Variants in SHANK2 observed in about 807,000 individuals in gnomAD.
The protein encoded by SHANK2 is SH3 and multiple ankyrin repeat domains 2, also known as SH3 and multiple ankyrin repeat domains protein 2.
Under a neutral mutation model 133.7 loss-of-function variants are expected in SHANK2, and 43 were observed. That is an observed-to-expected ratio of 0.32 (90% CI 0.25 to 0.41). The LOEUF (loss-of-function observed/expected upper bound fraction) is 0.41, where lower values mean the gene tolerates loss of function less well. SHANK2 is among the 10% of genes least tolerant of loss of function. The probability of loss-of-function intolerance (pLI) is 1.00; values close to 1 mark genes in which losing one functional copy is unlikely to be tolerated. For missense variants in SHANK2, 1,994 were observed against 2,235.8 expected, an observed-to-expected ratio of 0.89 and a Z score of 2.18; for synonymous variants, 1,017 against 952.8, an observed-to-expected ratio of 1.07 and a Z score of -1.24.
rs890697707 is a variant in SHANK2, at chr11:70,495,125, G to A, written c.2309-2660C>T. ...CCAGAGCCGTGCTGTCCTCACCTGC[G>A]TTCAAGGCCCTCATCCCAGCTCCTC... On this transcript the variant is annotated intron_variant, in intron 21 of 25. Transcript: ENST00000601538. 7.9e-5 allele frequency among the ~76,000 whole-genome samples: 12 copies of A among 152,286 alleles called. No individual in the cohort carries two copies. In the East Asian group the frequency reaches 9.7e-4, roughly 12 times the overall value.
At chr11:70,734,375 C>A (rs959729508) in intron 14 of SHANK2, among the ~76,000 whole-genome samples, 7 of 152,162 alleles carry the variant, frequency 4.6e-5, no homozygotes, top group African/African-American at 1.7e-4. Context: ...AAAGGTGAGG[C>A]GCATTTCATG....
intron 2 of SHANK2, among the ~76,000 whole-genome samples, chr11:71,189,873 C>T (rs1953755532): frequency 6.6e-6 from 1 of 152,248 alleles, no homozygotes; most frequent in Admixed American, 6.5e-5. Context: ...AGCTCTTCTG[C>T]CAGCCTGGCT....
Position 70,473,879 on chromosome 11 carries a change from T to G in SHANK2, c.4980-440A>C, listed in dbSNP as rs554750043. The G allele has an allele frequency of 9.9e-5, 28 of 281,486 alleles. 1 individual carries two copies. Among genetic ancestry groups the G allele is most frequent in the Admixed American group, 9.7e-4 (24 of 24,704 alleles). 17.4% of individuals were successfully genotyped at this position (281,486 alleles called of 1,614,324 possible). A position where few individuals can be genotyped will look rare whatever the true frequency, so the allele number is the denominator to read the frequency against. On this transcript the variant is annotated intron_variant, in intron 25 of 25. Coordinates refer to ENST00000601538, the MANE Select transcript of SHANK2 (RefSeq NM_012309.5). The surrounding 1 kb of genome is among the most constrained non-coding windows in gnomAD (Gnocchi z 5.9). ...AGGGACAGAGTGGGGTCCTGTCACC[T>G]GGGTAGAACGTGCCAGGCAACATCT...
intron 2 of SHANK2, among the ~76,000 whole-genome samples, chr11:71,150,855 G>T (rs1555107928): frequency 6.6e-6 from 1 of 152,048 alleles, no homozygotes; most frequent in Non-Finnish European, 1.5e-5. Flanking sequence ...AAGAAAAGGG[G>T]GCACCTGTTT....
At chr11:70,483,724 A>G (rs1411241676) in intron 25 of SHANK2, among the ~76,000 whole-genome samples, 4 of 152,072 alleles carry the variant, frequency 2.6e-5, no homozygotes, top group African/African-American at 7.2e-5. Flanking sequence ...CCCTTTCTCA[A>G]AATTCCTGGA....
intron 15 of SHANK2, among the ~76,000 whole-genome samples, chr11:70,670,263 G>T (rs1555015738): frequency 6.6e-6 from 1 of 152,222 alleles, no homozygotes; most frequent in East Asian, 1.9e-4. Flanking sequence ...GCAGGAACTG[G>T]AGCACTATAT....
chr11:70,683,405 CT>C (rs1945071397), intron 15 of SHANK2, among the ~76,000 whole-genome samples: 1 of 152,236 alleles, frequency 6.6e-6, no homozygotes, highest in Admixed American at 6.5e-5. Context: ...GCTTTTAACA[CT>C]TTCCTTCCAC....
intron 10 of SHANK2, chr11:70,910,998 CCT>C (rs1555078896): frequency 1.8e-5 from 8 of 457,102 alleles, no homozygotes; most frequent in South Asian, 1.1e-4. Flanking sequence ...TCTCTAAACA[CCT>C]CAGCATTTGC....
intron 6 of SHANK2, among the ~76,000 whole-genome samples, chr11:71,109,130 G>C (rs1485044309): frequency 6.6e-6 from 1 of 152,154 alleles, no homozygotes; most frequent in South Asian, 2.1e-4. Flanking sequence ...GGGAGTCCAG[G>C]AGGAGTATTC....
chr11:70,778,603 A>G (rs1295950678), intron 14 of SHANK2, among the ~76,000 whole-genome samples: 3 of 152,202 alleles, frequency 2.0e-5, no homozygotes, highest in African/African-American at 7.2e-5. Flanking sequence ...GCACAAGGAA[A>G]GGCCCTGTGA....
chr11:70,489,811 C>T (rs1555155267), intron 23 of SHANK2: 7 of 268,428 alleles, frequency 2.6e-5, no homozygotes, highest in South Asian at 1.3e-4. Context: ...CTGCAACACA[C>T]AGTACATTAT....
intron 2 of SHANK2, among the ~76,000 whole-genome samples, chr11:71,165,711 C>G (rs1161148912): frequency 6.6e-6 from 1 of 152,150 alleles, no homozygotes; most frequent in African/African-American, 2.4e-5. Flanking sequence ...TGAAATACCC[C>G]CAAGTGAAAC....
At chr11:70,832,544 T>TAGTGCTCTGGAGATGAATG (rs1555058867) in intron 11 of SHANK2, among the ~76,000 whole-genome samples, 1 of 152,194 alleles carries the variant, frequency 6.6e-6, no homozygotes, top group Non-Finnish European at 1.5e-5. Context: ...CAGTGATCCC[T>TAGTGCTCTGGAGATGAATG]AGTGCTCTGG....
chr11:70,676,429 C>T (rs1205808734), intron 15 of SHANK2, among the ~76,000 whole-genome samples: 1 of 152,318 alleles, frequency 6.6e-6, no homozygotes, highest in African/African-American at 2.4e-5. Context: ...CCCTCCTTTA[C>T]GTTCCTGAGT....
chr11:70,920,656 TA>T (rs1294475608), intron 10 of SHANK2, among the ~76,000 whole-genome samples: 4 of 152,232 alleles, frequency 2.6e-5, no homozygotes, highest in African/African-American at 9.6e-5. Flanking sequence ...TGCATGTCCC[TA>T]ACGGGGTCTA....
intron 17 of SHANK2, among the ~76,000 whole-genome samples, chr11:70,622,915 A>T (rs1565188540): frequency 6.6e-6 from 1 of 151,980 alleles, no homozygotes; most frequent in Non-Finnish European, 1.5e-5. Flanking sequence ...GGTGGCTCAC[A>T]CCTGTAATCC....
At chr11:70,662,040 G>A in intron 15 of SHANK2, 1 of 513,872 alleles carries the variant, frequency 1.9e-6, no homozygotes, top group Non-Finnish European at 3.5e-6. Flanking sequence ...TGGCCCGAAC[G>A]GCGGCGGCGG....
intron 14 of SHANK2, among the ~76,000 whole-genome samples, chr11:70,717,104 A>G (rs1945949284): frequency 6.6e-6 from 1 of 152,166 alleles, no homozygotes; most frequent in African/African-American, 2.4e-5. Context: ...AACAACGGAA[A>G]TCCACCCAGC....
intron 2 of SHANK2, among the ~76,000 whole-genome samples, chr11:71,218,995 A>T (rs2135720814): frequency 6.6e-6 from 1 of 152,310 alleles, no homozygotes; most frequent in Non-Finnish European, 1.5e-5. Context: ...TCCTACACAG[A>T]CATCGCAGAA....
Sources: allele counts gnomAD v4.1 joint callset (sites outside exome capture counted in the v4.1 genomes callset), GRCh38; gene constraint gnomAD v4.1.1; non-coding constraint Gnocchi (gnomAD v3.1); transcripts MANE v1.5; gene names NCBI Gene and HGNC (gene_info 2026-07-23, HGNC 2026-07-21).